MERTK: variants seen among roughly 807,000 people sequenced by gnomAD.
The protein encoded by MERTK is MER proto-oncogene, tyrosine kinase.
Under a neutral mutation model 99.3 loss-of-function variants are expected in MERTK, and 69 were observed. That is an observed-to-expected ratio of 0.70 (90% confidence interval 0.57 to 0.85). MERTK has a LOEUF of 0.85. Among genes scored for constraint, MERTK ranks in the 40% least tolerant of loss-of-function variants. The pLI, the probability that MERTK is intolerant of heterozygous loss-of-function variation, is 0.00. For missense variants in MERTK, 1,125 were observed against 1,249.4 expected, an observed-to-expected ratio of 0.90 and a Z score of 1.50; for synonymous variants, 426 against 467.6, an observed-to-expected ratio of 0.91 and a Z score of 1.15.
intron 1 of MERTK, among the ~76,000 whole-genome samples, chr2:111,919,074 C>T (rs1684406649): frequency 6.6e-6 from 1 of 152,198 alleles, no homozygotes; most frequent in Non-Finnish European, 1.5e-5. Context: ...ACAAGGTCAC[C>T]TGGCCTCTAC....
intron 15 of MERTK, among the ~76,000 whole-genome samples, chr2:112,017,057 GGGGACTCAA>G (rs1677230901): frequency 6.6e-6 from 1 of 152,186 alleles, no homozygotes; most frequent in Non-Finnish European, 1.5e-5. Context: ...CAGTGTGGAA[GGGGACTCAA>G]GCGGGTTGCC....
chr2:111,979,373 GTTTTCTATGTGAACTGT>G (rs1676320972), intron 7 of MERTK, among the ~76,000 whole-genome samples: 1 of 152,080 alleles, frequency 6.6e-6, no homozygotes, highest in East Asian at 1.9e-4. Flanking sequence ...TGATACTTAA[GTTTTCTATGTGAACTGT>G]TTTTCAGTTT....
At chr2:111,986,759 G>A (rs1453007070) in intron 8 of MERTK, among the ~76,000 whole-genome samples, 1 of 152,222 alleles carries the variant, frequency 6.6e-6, no homozygotes, top group African/African-American at 2.4e-5. Context: ...CCTTAGGGAT[G>A]CCAGATCATC....
intron 1 of MERTK, chr2:111,913,085 T>A (rs1684282671): frequency 1.0e-6 from 1 of 985,210 alleles, no homozygotes; most frequent in Non-Finnish European, 1.2e-6. Context: ...ATACAGGTAC[T>A]GGGTCCTTTG....
intron 1 of MERTK, among the ~76,000 whole-genome samples, chr2:111,905,798 T>C (rs1684127044): frequency 6.6e-6 from 1 of 152,182 alleles, no homozygotes; most frequent in African/African-American, 2.4e-5. Flanking sequence ...TAAAGCATTT[T>C]ATTTCATCCT....
At chr2:111,974,984 A>G (rs1408476714) in intron 6 of MERTK, among the ~76,000 whole-genome samples, 2 of 152,124 alleles carry the variant, frequency 1.3e-5, no homozygotes, top group Non-Finnish European at 2.9e-5. Flanking sequence ...GTTCTAAGAG[A>G]GGAGAGGCTT....
intron 4 of MERTK, among the ~76,000 whole-genome samples, chr2:111,963,213 C>T (rs1468642703): frequency 2.0e-5 from 3 of 152,234 alleles, no homozygotes; most frequent in Non-Finnish European, 4.4e-5. Flanking sequence ...TGCCGCATGT[C>T]CTACCTCCAG....
intron 16 of MERTK, among the ~76,000 whole-genome samples, chr2:112,020,007 C>T (rs1677303654): frequency 6.6e-6 from 1 of 152,244 alleles, no homozygotes; most frequent in Admixed American, 6.5e-5. Flanking sequence ...TAGGTTCTCC[C>T]TATTTCTTCA....
chr2:112,021,312 CTG>C lies in MERTK; in HGVS notation c.2190-106_2190-105del, dbSNP rs1677342499. On this transcript the variant is annotated intron_variant, in intron 16 of 18. Coordinates refer to ENST00000295408, the MANE Select transcript of MERTK (RefSeq NM_006343.3). The stretch of plus-strand genomic sequence containing the variant: ...GCATGCTCACAGGCTGGTGGTGTCT[CTG>C]TGTTCTTTTGGTCAATTATCATAAG... The C allele has an allele frequency of 2.7e-6, 4 of 1,504,742 alleles. No homozygotes were observed. In the Admixed American group the frequency reaches 5.1e-5, roughly 19 times the overall value. The allele number at this position is 1,504,742 out of a possible 1,614,324, so 93.2% of individuals were successfully genotyped here. A position where few individuals can be genotyped will look rare whatever the true frequency, so the allele number is the denominator to read the frequency against.
At chr2:112,005,598 C>T (rs1254403152) in intron 13 of MERTK, among the ~76,000 whole-genome samples, 65 of 152,164 alleles carry the variant, frequency 4.3e-4, no homozygotes, top group Non-Finnish European at 1.5e-5. Flanking sequence ...TCTGGCTGGG[C>T]ATGGCCTATC....
rs751437121 is a variant in MERTK at position 112,028,466 on chromosome 2, G to GC, written c.2603dup (p.Asp869ArgfsTer14). ...AAGTTTGCCTGACGTTCGGAACCAA[G>GC]CAGACGTTATTTACGTCAATACACA... On this transcript the variant is annotated frameshift_variant, in exon 19 of 19. Coordinates refer to ENST00000295408, the MANE Select transcript of MERTK (RefSeq NM_006343.3). LOFTEE classifies it low-confidence loss of function (END_TRUNC). 46 of 1,614,184 alleles carry GC rather than the reference G, an allele frequency of 2.8e-5. No individual in the cohort carries two copies. The highest frequency in any genetic ancestry group is 3.6e-5 in the Non-Finnish European group (43 of 1,180,046).
At chr2:111,974,787 A>AG (rs1406313257) in intron 6 of MERTK, among the ~76,000 whole-genome samples, 21 of 144,896 alleles carry the variant, frequency 1.4e-4, no homozygotes, top group Non-Finnish European at 2.6e-4. Context: ...AAAAAAAAAA[A>AG]AAAAAGAAAG....
chr2:111,943,430 T>C (rs1684900355), intron 2 of MERTK, among the ~76,000 whole-genome samples: 1 of 152,064 alleles, frequency 6.6e-6, no homozygotes, highest in African/African-American at 2.4e-5. Context: ...TCCTAGCACT[T>C]TGGGAGGCTG....
chr2:111,933,669 C>A (rs1374542213), intron 2 of MERTK, among the ~76,000 whole-genome samples: 1 of 152,164 alleles, frequency 6.6e-6, no homozygotes. Flanking sequence ...TATCTGCACT[C>A]ATTCTTTAAA....
chr2:112,007,341 A>G (rs1677003645), intron 13 of MERTK, among the ~76,000 whole-genome samples: 1 of 152,132 alleles, frequency 6.6e-6, no homozygotes, highest in Non-Finnish European at 1.5e-5. Context: ...TTTTTAGTAG[A>G]GACAGGATTT....
chr2:111,913,018 A>G (rs1338255829), intron 1 of MERTK: 1 of 984,954 alleles, frequency 1.0e-6, no homozygotes, highest in East Asian at 1.1e-4. Flanking sequence ...ACAGGATTAG[A>G]GAAGACTGTC....
intron 11 of MERTK, among the ~76,000 whole-genome samples, 168 bp from the exon 12 acceptor site, chr2:112,002,924 G>A (rs967970142): frequency 6.6e-5 from 10 of 152,132 alleles, no homozygotes; most frequent in African/African-American, 2.4e-4. Context: ...AGTGAGCCAA[G>A]GTTGCACCAT....
At chr2:111,930,066 T>C (rs995838280) in intron 2 of MERTK, 3 of 153,232 alleles carry the variant, frequency 2.0e-5, no homozygotes, top group Non-Finnish European at 4.4e-5. Context: ...TAACAGATAC[T>C]CAGGGGCTGG....
At chr2:112,020,029 C>T (rs1573646684) in intron 16 of MERTK, among the ~76,000 whole-genome samples, 1 of 152,226 alleles carries the variant, frequency 6.6e-6, no homozygotes, top group Non-Finnish European at 1.5e-5. Context: ...CCTGCTTCAG[C>T]AGAGCCATTG....
Sources: allele counts gnomAD v4.1 joint callset (sites outside exome capture counted in the v4.1 genomes callset), GRCh38; gene constraint gnomAD v4.1.1; transcripts MANE v1.5; gene names NCBI Gene and HGNC (gene_info 2026-07-23, HGNC 2026-07-21).